Variants in ALS2CL observed in about 807,000 individuals in gnomAD.
ALS2CL encodes ALS2 C-terminal-like protein.
ALS2CL carries 112 observed loss-of-function variants against 127.9 expected under a neutral mutation model. That is an observed-to-expected ratio of 0.88 (90% CI 0.75 to 1.02). The LOEUF (loss-of-function observed/expected upper bound fraction) is 1.02, where lower values mean the gene tolerates loss of function less well. ALS2CL is among the 50% of genes least tolerant of loss of function. The pLI, the probability that ALS2CL is intolerant of heterozygous loss-of-function variation, is 0.00. For missense variants in ALS2CL, 1,174 were observed against 1,236.7 expected, an observed-to-expected ratio of 0.95 and a Z score of 0.76; for synonymous variants, 519 against 527.6, an observed-to-expected ratio of 0.98 and a Z score of 0.22.
At position 46,687,663 on chromosome 3, in the gene ALS2CL, G is replaced by A. The variant is rs2106742889; in HGVS notation, c.324C>T (p.Ser108=). 1 of 1,613,190 alleles carries A rather than the reference G, an allele frequency of 6.2e-7. No individual in the cohort carries two copies. Residue 108 remains serine (S), a synonymous_variant, in exon 4 of 26, where the codon AGC becomes AGT. Coordinates refer to ENST00000318962, the MANE Select transcript of ALS2CL (RefSeq NM_147129.5). ...TCTGGAAGGCCTGCACCACCATGCAGCTTGTGTAGGACTCAATGTACCTGC... is the reference window on the plus strand; with the variant it reads ...TCTGGAAGGCCTGCACCACCATGCAACTTGTGTAGGACTCAATGTACCTGC... ...AHIEYIESYT[S]CMVVQAFQKA... is the part of the protein sequence containing the mutation.
chr3:46,678,183 G>A, intron 16 of ALS2CL, 76 bp downstream of exon 16: 1 of 1,433,874 alleles, frequency 7.0e-7, no homozygotes, highest in Non-Finnish European at 9.3e-7. Flanking sequence ...GCCCCTCTGA[G>A]GAGACCTGAG....
chr3:46,680,144 A>T (rs1271122616), intron 14 of ALS2CL: 1 of 412,600 alleles, frequency 2.4e-6, no homozygotes, highest in East Asian at 4.0e-5. Context: ...CAGCTAATGC[A>T]TCATCATGAG....
At chr3:46,693,510 G>C (rs1171469455) in intron 1 of ALS2CL, 133 bp downstream of exon 1, 1 of 152,466 alleles carries the variant, frequency 6.6e-6, no homozygotes, top group Non-Finnish European at 1.5e-5. Context: ...ACGGCCGGGG[G>C]ATGACTGCCG....
chr3:46,683,727 T>C, intron 9 of ALS2CL, 55 bp downstream of exon 9: 2 of 1,593,062 alleles, frequency 1.3e-6, no homozygotes, highest in South Asian at 2.2e-5. Context: ...TTCTGCCCTC[T>C]TCCTACCCTG....
chr3:46,675,731 A>G (rs1187420479), intron 19 of ALS2CL, 45 bp from the exon 20 acceptor site: 1 of 1,611,220 alleles, frequency 6.2e-7, no homozygotes, highest in Non-Finnish European at 8.5e-7. Flanking sequence ...CCCTTGCCAC[A>G]GAACTGGAGT....
chr3:46,670,846 C>T lies in ALS2CL; in HGVS notation c.*138G>A. On this transcript the variant is annotated 3_prime_UTR_variant, in exon 26 of 26. Transcript: ENST00000318962. This position sits in a 1 kb window ranked among gnomAD's most constrained non-coding sequence, Gnocchi z 5.5. ...CTCATCCCAGTCAGGGCAGCAGCAG[C>T]ATCTTCCTGTGCAAAACAAAATGCT... 2.3e-6 allele frequency: 2 copies of T among 866,370 alleles called. No homozygotes were observed. The highest frequency in any genetic ancestry group is 5.0e-5 in the East Asian group (2 of 40,006). The allele number at this position is 866,370 out of a possible 1,614,324, so 53.7% of individuals were successfully genotyped here.
Position 46,675,412 on chromosome 3 carries a change from T to C in ALS2CL, c.2255+206A>G, listed in dbSNP as rs146471494. The C allele has an allele frequency of 6.8e-5, 39 of 577,482 alleles. No homozygotes were observed. In the East Asian group the frequency reaches 1.1e-3, roughly 16 times the overall value. The allele number at this position is 577,482 out of a possible 1,614,324, so 35.8% of individuals were successfully genotyped here. A position where few individuals can be genotyped will look rare whatever the true frequency, so the allele number is the denominator to read the frequency against. On this transcript the variant is annotated intron_variant, in intron 20 of 25. Transcript: ENST00000318962. ...TAGAACAAAGATGCATTCAATGCAT[T>C]GTAGCAGTGCCCCCTCCCTGGTTCC...
At chr3:46,682,285 C>G (rs1699415473) in intron 10 of ALS2CL, among the ~76,000 whole-genome samples, 191 bp from the exon 11 acceptor site, 1 of 152,238 alleles carries the variant, frequency 6.6e-6, no homozygotes, top group Non-Finnish European at 1.5e-5. Context: ...CCTGGCCCAA[C>G]TGTACCAGCA....
At chr3:46,679,334 G>A (rs200294308) in intron 14 of ALS2CL, 47 bp from the exon 15 acceptor site, 86 of 1,485,774 alleles carry the variant, frequency 5.8e-5, no homozygotes, top group Non-Finnish European at 7.7e-5. Flanking sequence ...GGTGAGGAAG[G>A]GCCAGGAAAC....
intron 2 of ALS2CL, 90 bp from the exon 3 acceptor site, chr3:46,688,386 G>T: frequency 7.7e-7 from 1 of 1,300,386 alleles, no homozygotes; most frequent in Non-Finnish European, 1.1e-6. Context: ...TCACATGAGA[G>T]CCACCAGCAC....
rs1007824476 is a variant in ALS2CL at position 46,670,813 on chromosome 3, C to T, written c.*171G>A. The T allele has an allele frequency of 1.5e-6, 1 of 663,968 alleles. No individual in the cohort carries two copies. Among genetic ancestry groups the T allele is most frequent in the Non-Finnish European group, 2.6e-6 (1 of 384,652 alleles). 41.1% of individuals were successfully genotyped at this position (663,968 alleles called of 1,614,324 possible). On this transcript the variant is annotated 3_prime_UTR_variant, in exon 26 of 26. Transcript: ENST00000318962. The surrounding 1 kb of genome is among the most constrained non-coding windows in gnomAD (Gnocchi z 5.5). Reference sequence around the variant, plus strand: ...CCACATCCAGGGCCACACCCGTCACCCCTCACCCTCATCCCAGTCAGGGCA... The same window carrying T: ...CCACATCCAGGGCCACACCCGTCACTCCTCACCCTCATCCCAGTCAGGGCA...
Position 46,683,841 on chromosome 3 carries a change from A to C in ALS2CL, c.853T>G (p.Phe285Val). 6.2e-7 allele frequency: 1 copy of C among 1,614,146 alleles called. No homozygotes were observed. Among genetic ancestry groups the C allele is most frequent in the Non-Finnish European group, 8.5e-7 (1 of 1,180,016 alleles). ...TCTTCTTCGGGCGTGAGGAGGTGAA[A>C]CGTGCACCTAGACAGACGGAGGTGA... ...WVDPGQDGCT[F>V]HLLTPEEEFS... is the part of the protein sequence containing the mutation. The change falls in exon 9 of 26, where the codon TTT becomes GTT. Residue 285 changes from phenylalanine to valine, a missense_variant. Coordinates refer to ENST00000318962, the MANE Select transcript of ALS2CL (RefSeq NM_147129.5).
intron 10 of ALS2CL, 38 bp from the exon 11 acceptor site, chr3:46,682,132 C>A (rs1220700708): frequency 1.9e-6 from 3 of 1,609,020 alleles, no homozygotes; most frequent in Middle Eastern, 3.3e-4. Context: ...TCAGGCCTAC[C>A]CACCCCTCAG....
At position 46,681,237 on chromosome 3, in the gene ALS2CL, G is replaced by A; in HGVS notation, c.1436+9C>T. ...TCCGTCCTGGGAGTGGTGGCTGCAGGGCGCTCACCTGTCACCATCCTCCTC... is the reference window on the plus strand; with the variant it reads ...TCCGTCCTGGGAGTGGTGGCTGCAGAGCGCTCACCTGTCACCATCCTCCTC... On this transcript the variant is annotated intron_variant, in intron 13 of 25. Transcript: ENST00000318962. The surrounding 1 kb of genome is among the most constrained non-coding windows in gnomAD (Gnocchi z 4.9). 1 of 1,613,646 alleles carries A rather than the reference G, an allele frequency of 6.2e-7. No homozygotes were observed. Among genetic ancestry groups the A allele is most frequent in the Non-Finnish European group, 8.5e-7 (1 of 1,179,950 alleles).
At chr3:46,676,539 G>C in intron 18 of ALS2CL, 103 bp downstream of exon 18, 2 of 1,532,520 alleles carry the variant, frequency 1.3e-6, no homozygotes, top group Non-Finnish European at 1.8e-6. Context: ...GGATCCACAG[G>C]CCTGTCCCCT....
Position 46,680,548 on chromosome 3 carries a change from G to A in ALS2CL, c.1437-7C>T. The A allele has an allele frequency of 1.2e-6, 2 of 1,609,696 alleles. No homozygotes were observed. Among genetic ancestry groups the A allele is most frequent in the Non-Finnish European group, 1.7e-6 (2 of 1,178,746 alleles). ...GCCAATGTAGCGCTCACCTCTGGAAGGAGAGGAATGTGGCCAGAGTTGGAT... is the reference window on the plus strand; with the variant it reads ...GCCAATGTAGCGCTCACCTCTGGAAAGAGAGGAATGTGGCCAGAGTTGGAT... On this transcript the variant is annotated splice_polypyrimidine_tract_variant and splice_region_variant and intron_variant, in intron 13 of 25. Transcript: ENST00000318962.
At position 46,687,158 on chromosome 3, in the gene ALS2CL, G is replaced by C. The variant is rs747394348; in HGVS notation, c.369-10C>G. The C allele has an allele frequency of 9.7e-6, 15 of 1,552,282 alleles. 1 individual carries two copies. In the East Asian group the frequency reaches 3.3e-4, roughly 34 times the overall value. ...GCCCCGCCAGTACTCGCTGCGTGTAGAGAGGGCCACGCACCACCTTCACCC... is the reference window on the plus strand; with the variant it reads ...GCCCCGCCAGTACTCGCTGCGTGTACAGAGGGCCACGCACCACCTTCACCC... On this transcript the variant is annotated splice_polypyrimidine_tract_variant and intron_variant, in intron 4 of 25. Transcript: ENST00000318962.
At position 46,683,826 on chromosome 3, in the gene ALS2CL, G is replaced by T; in HGVS notation, c.868C>A (p.Pro290Thr). ...GCACAAAAGGAGAACTCTTCTTCGG[G>T]CGTGAGGAGGTGAAACGTGCACCTA... ...QDGCTFHLLT[P>T]EEEFSFCAKD... The change falls in exon 9 of 26, where the codon CCC (proline) becomes ACC (threonine). Residue 290 changes from proline to threonine, a missense_variant. Coordinates refer to ENST00000318962, the MANE Select transcript of ALS2CL (RefSeq NM_147129.5). 1 of 1,614,172 alleles carries T rather than the reference G, an allele frequency of 6.2e-7. No individual in the cohort carries two copies. The highest frequency in any genetic ancestry group is 8.5e-7 in the Non-Finnish European group (1 of 1,180,028).
rs1490261097 is a variant in ALS2CL, at chr3:46,687,018, G to A, written c.499C>T (p.Leu167Phe). Reference protein sequence around the residue: ...PLAHHVQQYVLLLLSLGDTIG... With the variant: ...PLAHHVQQYVFLLLSLGDTIG... Reference sequence around the variant, plus strand: ...GTGTCCCCGAGGCTCAGCAGGAGGAGCACGTACTGTTGCACGTGATGGGCG... The same window carrying A: ...GTGTCCCCGAGGCTCAGCAGGAGGAACACGTACTGTTGCACGTGATGGGCG... Residue 167 changes from leucine to phenylalanine, a missense_variant, in exon 5 of 26, where the codon CTC becomes TTC. Leu to Phe is a conservative substitution (Grantham distance 22). Transcript: ENST00000318962. 2 of 1,605,054 alleles carry A rather than the reference G, an allele frequency of 1.2e-6. No homozygotes were observed. Among genetic ancestry groups the A allele is most frequent in the African/African-American group, 2.7e-5 (2 of 74,850 alleles).
Sources: gnomAD v4.1 joint callset for allele counts (sites outside exome capture counted in the v4.1 genomes callset) on GRCh38, gnomAD v4.1.1 for gene constraint, Gnocchi (gnomAD v3.1) non-coding constraint, MANE v1.5 for transcripts, NCBI Gene and HGNC (gene_info 2026-07-23, HGNC 2026-07-21) for gene names.